Variants in GSE1 observed in about 807,000 individuals in gnomAD.
The protein encoded by GSE1 is genetic suppressor element 1.
In GSE1, 32 loss-of-function variants were observed where a neutral mutation model predicts 112.6. The ratio of observed to expected loss-of-function variants is 0.28; its 90% CI spans 0.21 to 0.38. The LOEUF (loss-of-function observed/expected upper bound fraction) is 0.38. GSE1 is among the 10% of genes least tolerant of loss of function. The pLI is 1.00. For missense variants in GSE1, 2,348 were observed against 1,699.2 expected, an observed-to-expected ratio of 1.38 and a Z score of -6.71; for synonymous variants, 1,115 against 735.6, an observed-to-expected ratio of 1.52 and a Z score of -8.35.
At chr16:85,227,842 C>T (rs1203567649) in intron 1 of GSE1, among the ~76,000 whole-genome samples, 2 of 152,192 alleles carry the variant, frequency 1.3e-5, no homozygotes, top group Non-Finnish European at 2.9e-5. Context: ...GGCCTCATGC[C>T]GACCGGGGGA....
intron 2 of GSE1, among the ~76,000 whole-genome samples, chr16:85,402,929 A>G (rs62048540): frequency 1.5e-4 from 22 of 148,950 alleles, no homozygotes; most frequent in Non-Finnish European, 3.1e-4. Flanking sequence ...AAAAAAAAAA[A>G]TTGCCCCAAA....
At chr16:85,507,988 G>T (rs2051596897) in intron 2 of GSE1, among the ~76,000 whole-genome samples, 1 of 152,158 alleles carries the variant, frequency 6.6e-6, no homozygotes, top group Non-Finnish European at 1.5e-5. Context: ...GAAGCCCCCT[G>T]TGGCCCCCTG....
intron 2 of GSE1, among the ~76,000 whole-genome samples, chr16:85,504,428 C>T (rs186936312): frequency 2.3e-4 from 35 of 152,280 alleles, no homozygotes; most frequent in African/African-American, 6.7e-4. Context: ...AGCTGCAGCC[C>T]GCAGAGCGGT....
At chr16:85,208,399 G>T (rs2075158355) in intron 1 of GSE1, among the ~76,000 whole-genome samples, 1 of 152,206 alleles carries the variant, frequency 6.6e-6, no homozygotes, top group African/African-American at 2.4e-5. Context: ...CCTGGTGCCT[G>T]CCTGGGGCTC....
At chr16:85,670,118 G>A (rs565196404) in intron 14 of GSE1, among the ~76,000 whole-genome samples, 58 of 152,354 alleles carry the variant, frequency 3.8e-4, no homozygotes, top group African/African-American at 1.4e-3. Flanking sequence ...GTGAAGTTTT[G>A]ACTAGATTTA....
chr16:85,557,764 A>T (rs1264878037), intron 1 of GSE1, among the ~76,000 whole-genome samples: 2 of 147,588 alleles, frequency 1.4e-5, no homozygotes, highest in African/African-American at 5.2e-5. Context: ...GGGTCACCAG[A>T]GTCCAACTGA....
At chr16:85,573,319 C>G (rs982586316) in intron 1 of GSE1, among the ~76,000 whole-genome samples, 1 of 152,170 alleles carries the variant, frequency 6.6e-6, no homozygotes, top group Non-Finnish European at 1.5e-5. Context: ...ATAGCCAAGT[C>G]GTCTGTCCTG....
intron 2 of GSE1, among the ~76,000 whole-genome samples, chr16:85,380,453 G>A (rs772990747): frequency 2.6e-5 from 4 of 152,148 alleles, no homozygotes; most frequent in South Asian, 2.1e-4. Context: ...AATCTGTAGC[G>A]TAGGGAACCA....
chr16:85,196,822 A>G (rs1337248455), intron 1 of GSE1, among the ~76,000 whole-genome samples: 4 of 152,074 alleles, frequency 2.6e-5, no homozygotes, highest in Non-Finnish European at 1.5e-5. Context: ...CCTCATTCAG[A>G]AGCTAAATGG....
chr16:85,654,317 C>G lies in GSE1; in HGVS notation c.466C>G (p.Leu156Val). The change falls in exon 4 of 16, where the codon CTC becomes GTC. Residue 156 changes from leucine (L) to valine (V), a missense_variant. Physicochemically the swap from Leu to Val is conservative, Grantham distance 32 (BLOSUM62 1). Transcript: ENST00000253458. ...GAGCAGCAGTGGAGGTCGGGAACGC[C>G]TCATTGTGGAGCCCCCGCTCCCTCA... ...SRSSSGGRER[L>V]IVEPPLPQEK... 6.2e-7 allele frequency: 1 copy of G among 1,610,242 alleles called. No homozygotes were observed. The highest frequency in any genetic ancestry group is 1.3e-5 in the African/African-American group (1 of 74,780).
intron 1 of GSE1, among the ~76,000 whole-genome samples, chr16:85,591,538 G>A (rs2047002901): frequency 6.6e-6 from 1 of 152,214 alleles, no homozygotes; most frequent in South Asian, 2.1e-4. Context: ...GCGGTGCTGG[G>A]GAGGGGTCCT....
intron 1 of GSE1, among the ~76,000 whole-genome samples, chr16:85,175,565 T>G (rs1012654335): frequency 1.3e-5 from 2 of 152,124 alleles, no homozygotes; most frequent in South Asian, 4.2e-4. Flanking sequence ...GACGCCCCCT[T>G]CCCCCCGCCC....
At chr16:85,359,235 G>A (rs944969609) in intron 2 of GSE1, 3 of 368,568 alleles carry the variant, frequency 8.1e-6, no homozygotes, top group African/African-American at 6.3e-5. Context: ...GGCAGGCCGG[G>A]TGCCCCTGTT....
chr16:85,398,711 C>T (rs754475863), intron 2 of GSE1, among the ~76,000 whole-genome samples: 19 of 152,178 alleles, frequency 1.2e-4, no homozygotes, highest in Non-Finnish European at 2.5e-4. Flanking sequence ...AGTGTCAGAG[C>T]CAGGAGAGAG....
chr16:85,333,838 C>A (rs140399692), intron 1 of GSE1, among the ~76,000 whole-genome samples: 6 of 152,158 alleles, frequency 3.9e-5, no homozygotes, highest in Non-Finnish European at 7.3e-5. Flanking sequence ...CTCCTCCCCC[C>A]ACAGCCCTGC....
intron 1 of GSE1, among the ~76,000 whole-genome samples, chr16:85,319,802 C>T (rs761714978): frequency 6.6e-6 from 1 of 152,220 alleles, no homozygotes; most frequent in African/African-American, 2.4e-5. Context: ...TCTTTGAAGG[C>T]CTTCTCACAA....
upstream of GSE1, among the ~76,000 whole-genome samples, chr16:85,551,864 G>A (rs2044931375): frequency 6.6e-6 from 1 of 152,218 alleles, no homozygotes; most frequent in Admixed American, 6.5e-5. Context: ...AGAGGGAGAT[G>A]TTTACCTTTG....
At chr16:85,314,001 T>A (rs1346057386) in intron 1 of GSE1, among the ~76,000 whole-genome samples, 4 of 150,706 alleles carry the variant, frequency 2.7e-5, no homozygotes, top group African/African-American at 7.4e-5. Flanking sequence ...TGTGTGTGTG[T>A]GATACAGCCT....
At chr16:85,467,985 G>T (rs2050172854) in intron 2 of GSE1, among the ~76,000 whole-genome samples, 1 of 152,138 alleles carries the variant, frequency 6.6e-6, no homozygotes. Flanking sequence ...GAGGGGTCAG[G>T]GGTTGCAGAC....
Sources: allele counts gnomAD v4.1 joint callset (sites outside exome capture counted in the v4.1 genomes callset), GRCh38; gene constraint gnomAD v4.1.1; transcripts MANE v1.5; gene names NCBI Gene and HGNC (gene_info 2026-07-23, HGNC 2026-07-21).